Variants in IL1RAPL2 observed in about 807,000 individuals in gnomAD.
IL1RAPL2 encodes X-linked interleukin-1 receptor accessory protein-like 2.
IL1RAPL2 carries 3 observed loss-of-function variants against 44.1 expected under a neutral mutation model. The observed-to-expected ratio is 0.07, with a 90% CI of 0.03 to 0.18. IL1RAPL2 has a LOEUF of 0.18. Among genes scored for constraint, IL1RAPL2 ranks in the 10% least tolerant of loss-of-function variants. The probability of loss-of-function intolerance (pLI) is 1.00; values close to 1 mark genes in which losing one functional copy is unlikely to be tolerated. For missense variants in IL1RAPL2, 391 were observed against 496.4 expected, an observed-to-expected ratio of 0.79 and a Z score of 2.02; for synonymous variants, 181 against 178.8, an observed-to-expected ratio of 1.01 and a Z score of -0.10.
chrX:104,858,364 G>C (rs968537861), intron 2 of IL1RAPL2, among the ~76,000 whole-genome samples: 2 of 111,420 alleles, frequency 1.8e-5, no homozygotes, highest in African/African-American at 6.5e-5. Flanking sequence ...TCAGAGAAGG[G>C]CTTGACCTCA....
At chrX:104,864,121 T>C (rs1464584438) in intron 2 of IL1RAPL2, among the ~76,000 whole-genome samples, 2 of 111,926 alleles carry the variant, frequency 1.8e-5, no homozygotes, top group African/African-American at 3.2e-5. Flanking sequence ...CTTTCTTGAA[T>C]TCTGGATGTT....
chrX:104,608,661 G>C (rs1415993961), intron 1 of IL1RAPL2, among the ~76,000 whole-genome samples: 1 of 65,033 alleles, frequency 1.5e-5, no homozygotes, highest in East Asian at 5.0e-4. Context: ...TGCAACCCCT[G>C]CTTTTTTTTT....
chrX:104,676,954 C>T (rs775988978), intron 2 of IL1RAPL2, among the ~76,000 whole-genome samples: 3 of 111,872 alleles, frequency 2.7e-5, no homozygotes, highest in African/African-American at 9.7e-5. Context: ...GCTCCATCAG[C>T]TCCTTTAAGC....
Position 104,566,718 on chromosome X carries a change from G to C in IL1RAPL2, c.-353G>C, listed in dbSNP as rs1050273404. The C allele has an allele frequency of 1.3e-4, 15 of 113,066 alleles. No individual in the cohort carries two copies. The highest frequency in any genetic ancestry group is 4.8e-4 in the African/African-American group (15 of 31,181). The allele number at this position is 113,066 out of a possible 1,213,427, so 9.3% of individuals were successfully genotyped here. A position where few individuals can be genotyped will look rare whatever the true frequency, so the allele number is the denominator to read the frequency against. ...AGGCAGCATCTGCCATTCTAACTAC[G>C]GAGCTGAGTAATTTAGAAACCCTCC... is the stretch of plus-strand genomic sequence containing the variant. On this transcript the variant is annotated 5_prime_UTR_variant, in exon 1 of 11. Coordinates refer to ENST00000372582, the MANE Select transcript of IL1RAPL2 (RefSeq NM_017416.2).
At chrX:105,753,893 A>T (rs1384892181) in intron 9 of IL1RAPL2, among the ~76,000 whole-genome samples, 1 of 111,669 alleles carries the variant, frequency 9.0e-6, no homozygotes, top group East Asian at 2.8e-4. Flanking sequence ...AAATTAGAAC[A>T]ACATAATCCT....
intron 2 of IL1RAPL2, among the ~76,000 whole-genome samples, chrX:105,020,400 A>T (rs773492154): frequency 1.2e-4 from 14 of 112,050 alleles, no homozygotes; most frequent in Non-Finnish European, 2.1e-4. Flanking sequence ...GCAGTCAAGC[A>T]TTTAGCAGCT....
At chrX:105,292,291 G>C (rs1385979012) in intron 5 of IL1RAPL2, among the ~76,000 whole-genome samples, 1 of 111,934 alleles carries the variant, frequency 8.9e-6, no homozygotes, top group African/African-American at 3.2e-5. Context: ...AAAGTTAATT[G>C]ATATGATTTC....
intron 2 of IL1RAPL2, among the ~76,000 whole-genome samples, chrX:104,794,095 G>A (rs960009278): frequency 1.8e-5 from 2 of 112,089 alleles, no homozygotes; most frequent in Non-Finnish European, 3.8e-5. Flanking sequence ...AAAAGTATTA[G>A]AGGAGGAATA....
At chrX:105,736,569 G>A (rs1389637701) in intron 7 of IL1RAPL2, among the ~76,000 whole-genome samples, 1 of 109,964 alleles carries the variant, frequency 9.1e-6, no homozygotes, top group Non-Finnish European at 1.9e-5. Context: ...AACATGAACA[G>A]ACACTTTTCC....
At chrX:105,276,130 G>A (rs1284976673) in intron 5 of IL1RAPL2, among the ~76,000 whole-genome samples, 1 of 112,817 alleles carries the variant, frequency 8.9e-6, no homozygotes, top group East Asian at 2.8e-4. Context: ...ATGCGGCCAG[G>A]CACGGTGGCT....
At chrX:105,284,330 T>A (rs1216113208) in intron 5 of IL1RAPL2, among the ~76,000 whole-genome samples, 1 of 112,298 alleles carries the variant, frequency 8.9e-6, no homozygotes, top group Non-Finnish European at 1.9e-5. Context: ...TTCCAAAGTC[T>A]CTTACAACCC....
chrX:105,382,751 A>C (rs1569432310), intron 5 of IL1RAPL2, among the ~76,000 whole-genome samples: 1 of 89,589 alleles, frequency 1.1e-5, no homozygotes, highest in Non-Finnish European at 1.9e-5. Flanking sequence ...CTGGATTAAG[A>C]AAATGTGCAC....
At chrX:105,214,697 G>A (rs957848763) in intron 3 of IL1RAPL2, among the ~76,000 whole-genome samples, 5 of 111,723 alleles carry the variant, frequency 4.5e-5, no homozygotes, top group East Asian at 5.7e-4. Flanking sequence ...CACATAGCAC[G>A]TACTCTAAAA....
At chrX:105,188,775 T>C (rs782098184) in intron 2 of IL1RAPL2, among the ~76,000 whole-genome samples, 3 of 112,518 alleles carry the variant, frequency 2.7e-5, no homozygotes, top group Non-Finnish European at 5.6e-5. Flanking sequence ...TCATTCATTG[T>C]ATATATAGAG....
chrX:105,058,389 T>C (rs1268485207), intron 2 of IL1RAPL2, among the ~76,000 whole-genome samples: 1 of 111,808 alleles, frequency 8.9e-6, no homozygotes. Context: ...CCTGGCCTGA[T>C]TGGTTATTTT....
chrX:104,611,843 A>C (rs1408906159), intron 1 of IL1RAPL2, among the ~76,000 whole-genome samples: 1 of 105,879 alleles, frequency 9.4e-6, no homozygotes, highest in Non-Finnish European at 1.9e-5. Flanking sequence ...TCTCAAAAAA[A>C]AAAAAAAAAA....
intron 6 of IL1RAPL2, among the ~76,000 whole-genome samples, chrX:105,552,842 A>C (rs2036868060): frequency 8.9e-6 from 1 of 112,494 alleles, no homozygotes; most frequent in Non-Finnish European, 1.9e-5. Context: ...ATAACAAAAA[A>C]AATTTCAATT....
intron 2 of IL1RAPL2, among the ~76,000 whole-genome samples, chrX:104,876,877 C>G (rs190228574): frequency 9.2e-6 from 1 of 109,225 alleles, no homozygotes; most frequent in Non-Finnish European, 1.9e-5. Context: ...TATCCCTCCC[C>G]GCTCCGCCCA....
chrX:105,537,667 A>C (rs1239004929), intron 6 of IL1RAPL2, among the ~76,000 whole-genome samples: 3 of 111,549 alleles, frequency 2.7e-5, no homozygotes, highest in Non-Finnish European at 5.7e-5. Flanking sequence ...CTCAACCTTT[A>C]TGTGTTTCAG....
Sources: allele counts gnomAD v4.1 joint callset (sites outside exome capture counted in the v4.1 genomes callset), GRCh38; gene constraint gnomAD v4.1.1; transcripts MANE v1.5; gene names NCBI Gene and HGNC (gene_info 2026-07-23, HGNC 2026-07-21).